The following SPAG16 variants were observed in gnomAD, a reference collection of about 807,000 sequenced individuals.
SPAG16 encodes sperm associated antigen 16.
A neutral mutation model predicts 80.4 loss-of-function variants in SPAG16; 86 were observed. The ratio of observed to expected loss-of-function variants is 1.07; its 90% CI spans 0.90 to 1.28. SPAG16 has a LOEUF of 1.28. Among genes scored for constraint, SPAG16 ranks in the 50% most tolerant of loss-of-function variants. The pLI is 0.00. For synonymous variants in SPAG16, 294 were observed against 265.9 expected (o/e 1.11, Z -1.03); for missense variants, 870 against 765.3 (o/e 1.14, Z -1.61).
intron 1 of SPAG16, 139 bp from the exon 2 acceptor site, chr2:213,295,925 T>A: frequency 1.7e-6 from 1 of 593,652 alleles, no homozygotes; most frequent in South Asian, 2.6e-5. Flanking sequence ...AGACAAATTT[T>A]TTAAAGATTA....
At chr2:213,955,823 C>T (rs1164773944) in intron 12 of SPAG16, among the ~76,000 whole-genome samples, 2 of 151,994 alleles carry the variant, frequency 1.3e-5, no homozygotes, top group Non-Finnish European at 2.9e-5. Flanking sequence ...TATTTCTGTA[C>T]AATCAACAGT....
chr2:213,690,307 C>T (rs2064885364), intron 10 of SPAG16, among the ~76,000 whole-genome samples: 1 of 152,278 alleles, frequency 6.6e-6, no homozygotes, highest in South Asian at 2.1e-4. Flanking sequence ...CTGGGAAGTC[C>T]AAGGTCAAGT....
chr2:213,442,173 A>G (rs115430324), intron 9 of SPAG16, among the ~76,000 whole-genome samples: 3,557 of 152,270 alleles, frequency 0.023, 58 homozygotes, highest in South Asian at 0.038. Flanking sequence ...CGAAACCACT[A>G]TATCATTTAG....
chr2:213,833,134 T>C (rs2073770163), intron 10 of SPAG16, among the ~76,000 whole-genome samples: 1 of 151,776 alleles, frequency 6.6e-6, no homozygotes, highest in African/African-American at 2.4e-5. Context: ...TATTTTTGTA[T>C]CCTAAGCATT....
intron 10 of SPAG16, among the ~76,000 whole-genome samples, chr2:213,650,466 C>A (rs986343890): frequency 1.3e-5 from 2 of 152,136 alleles, no homozygotes; most frequent in African/African-American, 2.4e-5. Flanking sequence ...TCTTTAATAT[C>A]CTATAACTTA....
At chr2:213,490,222 G>T (rs750840551) in intron 10 of SPAG16, 132 bp downstream of exon 10, 18 of 813,890 alleles carry the variant, frequency 2.2e-5, no homozygotes, top group Non-Finnish European at 3.1e-5. Flanking sequence ...TAGCATGAAA[G>T]AATCTGCTTA....
chr2:213,293,376 T>A (rs1271556023), intron 1 of SPAG16, among the ~76,000 whole-genome samples: 1 of 152,222 alleles, frequency 6.6e-6, no homozygotes, highest in Non-Finnish European at 1.5e-5. Context: ...TCTTGTGTAA[T>A]CCTCACACAC....
intron 10 of SPAG16, among the ~76,000 whole-genome samples, chr2:213,515,567 T>C (rs2075388718): frequency 6.6e-6 from 1 of 152,202 alleles, no homozygotes; most frequent in Admixed American, 6.5e-5. Context: ...AATTCCTTTT[T>C]TTCCATTTCC....
chr2:214,397,410 G>T (rs1423411108), intron 15 of SPAG16, among the ~76,000 whole-genome samples: 1 of 151,904 alleles, frequency 6.6e-6, no homozygotes, highest in Non-Finnish European at 1.5e-5. Context: ...TGCCCGCCTC[G>T]GCCTCCCAAA....
intron 15 of SPAG16, among the ~76,000 whole-genome samples, chr2:214,189,721 G>A (rs985449654): frequency 3.9e-5 from 6 of 151,952 alleles, no homozygotes; most frequent in Admixed American, 6.6e-5. Flanking sequence ...ATACTCTAGG[G>A]AAGAGAAAAG....
intron 5 of SPAG16, among the ~76,000 whole-genome samples, chr2:213,326,930 TG>T (rs1464061432): frequency 6.6e-6 from 1 of 152,004 alleles, no homozygotes; most frequent in Non-Finnish European, 1.5e-5. Flanking sequence ...AATGGAGTTT[TG>T]GGGCAATAAT....
At chr2:214,141,609 C>T (rs1233931141) in intron 14 of SPAG16, among the ~76,000 whole-genome samples, 4 of 151,990 alleles carry the variant, frequency 2.6e-5, no homozygotes, top group Non-Finnish European at 5.9e-5. Flanking sequence ...GATATTTAAA[C>T]ATTTGTATTC....
chr2:214,189,686 T>C (rs887659945), intron 15 of SPAG16, among the ~76,000 whole-genome samples: 4 of 152,050 alleles, frequency 2.6e-5, no homozygotes, highest in Non-Finnish European at 1.5e-5. Context: ...TTTTTCTCCA[T>C]GATATTTTGA....
chr2:214,276,064 A>T (rs917090196), intron 15 of SPAG16, among the ~76,000 whole-genome samples: 1 of 151,826 alleles, frequency 6.6e-6, no homozygotes, highest in Non-Finnish European at 1.5e-5. Flanking sequence ...TCTTTGTCTC[A>T]TTTGATCTTT....
intron 15 of SPAG16, among the ~76,000 whole-genome samples, chr2:214,310,334 G>A (rs987372952): frequency 5.9e-5 from 9 of 152,100 alleles, no homozygotes; most frequent in Admixed American, 4.6e-4. Context: ...CTTTTGTGTG[G>A]TGGCTTTCTC....
chr2:213,444,269 TA>T (rs1559139007), intron 9 of SPAG16, among the ~76,000 whole-genome samples: 2 of 152,214 alleles, frequency 1.3e-5, no homozygotes, highest in African/African-American at 2.4e-5. Context: ...CTCCTGATTA[TA>T]AAAAACTGGT....
intron 10 of SPAG16, among the ~76,000 whole-genome samples, chr2:213,749,475 G>A (rs1225357382): frequency 2.6e-5 from 4 of 152,168 alleles, no homozygotes; most frequent in Non-Finnish European, 5.9e-5. Flanking sequence ...TAAGGGTGAC[G>A]TGACAAGGGC....
chr2:213,505,451 GTGT>G (rs974722389), intron 10 of SPAG16, among the ~76,000 whole-genome samples: 1 of 152,054 alleles, frequency 6.6e-6, no homozygotes, highest in African/African-American at 2.4e-5. Flanking sequence ...TTGAAAGGTT[GTGT>G]TGTTATAATA....
At chr2:214,173,124 G>A (rs1248052662) in intron 15 of SPAG16, among the ~76,000 whole-genome samples, 4 of 151,948 alleles carry the variant, frequency 2.6e-5, no homozygotes, top group Non-Finnish European at 4.4e-5. Flanking sequence ...TGTCAATTTT[G>A]GCTTTTGTTG....
Sources: gnomAD v4.1 joint callset for allele counts (sites outside exome capture counted in the v4.1 genomes callset) on GRCh38, gnomAD v4.1.1 for gene constraint, MANE v1.5 for transcripts, NCBI Gene and HGNC (gene_info 2026-07-23, HGNC 2026-07-21) for gene names.